Variants in TBC1D31 observed in about 807,000 individuals in gnomAD.
TBC1D31 encodes the protein WD repeat domain 67.
TBC1D31 carries 99 observed loss-of-function variants against 132.9 expected under a neutral mutation model. The observed-to-expected ratio is 0.74, with a 90% CI of 0.63 to 0.88. The LOEUF is 0.88. Ranked by LOEUF, TBC1D31 falls within the 40% of genes least tolerant of loss-of-function variation. The pLI, the probability that TBC1D31 is intolerant of heterozygous loss-of-function variation, is 0.00. For missense variants in TBC1D31, 1,134 were observed against 1,256.6 expected, an observed-to-expected ratio of 0.90 and a Z score of 1.48; for synonymous variants, 385 against 419.4, an observed-to-expected ratio of 0.92 and a Z score of 1.00.
chr8:123,142,851 T>C (rs1263540305), intron 19 of TBC1D31, among the ~76,000 whole-genome samples: 1 of 152,242 alleles, frequency 6.6e-6, no homozygotes, highest in African/African-American at 2.4e-5. Context: ...TTGAATAATA[T>C]TAGTACTTTA....
intron 4 of TBC1D31, among the ~76,000 whole-genome samples, chr8:123,085,119 A>G (rs1247269704): frequency 1.3e-5 from 2 of 152,150 alleles, no homozygotes; most frequent in African/African-American, 2.4e-5. Flanking sequence ...AACTTTGGTC[A>G]TCAGCATACT....
rs1814027597 is a variant in TBC1D31 at position 123,072,750 on chromosome 8, G to A, written c.-20G>A. ...GACGGTTACCCAGCGGGCCGCCGGCGGTCGTGGGCAAGCTTCGCCATGCAG... is the reference window on the plus strand; with the variant it reads ...GACGGTTACCCAGCGGGCCGCCGGCAGTCGTGGGCAAGCTTCGCCATGCAG... On this transcript the variant is annotated 5_prime_UTR_variant, in exon 1 of 22. Coordinates refer to ENST00000287380, the MANE Select transcript of TBC1D31 (RefSeq NM_145647.4). 2 of 1,553,284 alleles carry A rather than the reference G, an allele frequency of 1.3e-6. No homozygotes were observed. The highest frequency in any genetic ancestry group is 1.4e-5 in the African/African-American group (1 of 73,160).
chr8:123,164,811 C>T, the TBC1D31 span, among the ~76,000 whole-genome samples: 1 of 152,148 alleles, frequency 6.6e-6, no homozygotes, highest in Non-Finnish European at 1.5e-5. Flanking sequence ...GTTCCCCTTC[C>T]ATAGGGAAGC....
At chr8:123,101,116 A>G in intron 7 of TBC1D31, 109 bp downstream of exon 7, 4 of 828,464 alleles carry the variant, frequency 4.8e-6, no homozygotes, top group Non-Finnish European at 7.5e-6. Context: ...GAACTTATCC[A>G]TTTTTCTGGA....
chr8:123,091,692 G>A (rs1187020554), intron 4 of TBC1D31, among the ~76,000 whole-genome samples: 1 of 152,248 alleles, frequency 6.6e-6, no homozygotes, highest in African/African-American at 2.4e-5. Flanking sequence ...CATTATATAT[G>A]TGTGTGTGTT....
At chr8:123,156,206 C>T (rs936024945), downstream of TBC1D31, among the ~76,000 whole-genome samples, 3 of 152,046 alleles carry the variant, frequency 2.0e-5, no homozygotes, top group Admixed American at 1.3e-4. Flanking sequence ...TTTGGGAGGC[C>T]GAGGTGGGCG....
At chr8:123,149,190 T>C (rs779568509) in intron 20 of TBC1D31, among the ~76,000 whole-genome samples, 24 of 152,164 alleles carry the variant, frequency 1.6e-4, no homozygotes, top group Non-Finnish European at 2.9e-4. Flanking sequence ...CTCCGCCATG[T>C]CCCGCCCTTC....
chr8:123,132,823 T>G (rs895294232), intron 16 of TBC1D31, among the ~76,000 whole-genome samples: 1 of 152,232 alleles, frequency 6.6e-6, no homozygotes, highest in African/African-American at 2.4e-5. Flanking sequence ...ATCCAAGATT[T>G]CTTTTAATTT....
intron 7 of TBC1D31, chr8:123,104,072 G>T (rs1424822228): frequency 6.6e-6 from 1 of 152,116 alleles, no homozygotes; most frequent in Non-Finnish European, 1.5e-5. Flanking sequence ...CACTACAAAG[G>T]TATGTCAAGT....
intron 4 of TBC1D31, among the ~76,000 whole-genome samples, chr8:123,089,071 C>T (rs1326162268): frequency 1.3e-5 from 2 of 152,122 alleles, no homozygotes; most frequent in Non-Finnish European, 2.9e-5. Flanking sequence ...ATCCCAAATG[C>T]TCCAAAATTT....
intron 17 of TBC1D31, among the ~76,000 whole-genome samples, chr8:123,140,369 A>T (rs1821530320): frequency 1.3e-5 from 2 of 152,190 alleles, no homozygotes; most frequent in African/African-American, 4.8e-5. Context: ...CTCAAAAAAT[A>T]AAAAGACTAA....
Position 123,144,399 on chromosome 8 carries a change from A to G in TBC1D31, c.2836-318A>G, listed in dbSNP as rs1307576472. On this transcript the variant is annotated intron_variant, in intron 19 of 21. Transcript: ENST00000287380. ...TAAAATGCAATTGCCACTAATTCAAAACTAGCTTAGTCTCATAAGATTTGA... is the reference window on the plus strand; with the variant it reads ...TAAAATGCAATTGCCACTAATTCAAGACTAGCTTAGTCTCATAAGATTTGA... 2.0e-5 allele frequency among the ~76,000 whole-genome samples: 3 copies of G among 152,242 alleles called. No homozygotes were observed. The East Asian group carries it at 5.8e-4, about 29-fold the overall frequency.
At position 123,100,985 on chromosome 8, in the gene TBC1D31, C is replaced by T; in HGVS notation, c.1010C>T (p.Ala337Val). The change falls in exon 7 of 22, where the codon GCT becomes GTT. Residue 337 changes from alanine (A) to valine (V), a missense_variant. Ala to Val is a moderately conservative substitution (Grantham distance 64). Transcript: ENST00000287380. ...AGTCTAAACATATATTCAGTTCAGG[C>T]TTTAACACAAGAAATAAATAAGGTA... Reference protein sequence around the residue: ...NGSLNIYSVQALTQEINKPPP... With the variant: ...NGSLNIYSVQVLTQEINKPPP... 1.2e-6 allele frequency: 2 copies of T among 1,612,870 alleles called. No individual in the cohort carries two copies. The highest frequency in any genetic ancestry group is 2.2e-5 in the East Asian group (1 of 44,820).
intron 10 of TBC1D31, among the ~76,000 whole-genome samples, chr8:123,117,582 G>A (rs1434997274): frequency 4.0e-5 from 6 of 150,504 alleles, no homozygotes; most frequent in East Asian, 4.0e-4. Flanking sequence ...GTGAAACCCC[G>A]TCTCTACTAA....
chr8:123,105,644 C>T (rs1817854769), intron 8 of TBC1D31, among the ~76,000 whole-genome samples, 180 bp downstream of exon 8: 1 of 152,166 alleles, frequency 6.6e-6, no homozygotes, highest in Non-Finnish European at 1.5e-5. Context: ...AAGTGATCCT[C>T]CCACCTTGGC....
chr8:123,095,795 G>A (rs1311848558), intron 5 of TBC1D31, among the ~76,000 whole-genome samples: 2 of 152,150 alleles, frequency 1.3e-5, no homozygotes, highest in Non-Finnish European at 2.9e-5. Context: ...AAGAGTCTGG[G>A]TTCTTTTTTG....
chr8:123,077,836 G>A (rs539719016), intron 2 of TBC1D31, among the ~76,000 whole-genome samples: 1 of 152,166 alleles, frequency 6.6e-6, no homozygotes, highest in Non-Finnish European at 1.5e-5. Flanking sequence ...ATCGCTTGAG[G>A]TCAGGAGTTC....
At chr8:123,098,452 C>T (rs1306183879) in intron 6 of TBC1D31, among the ~76,000 whole-genome samples, 3 of 152,200 alleles carry the variant, frequency 2.0e-5, no homozygotes, top group South Asian at 4.1e-4. Context: ...CAGGCATGAA[C>T]CACCATGCCC....
rs2130779681 is a variant in TBC1D31, at chr8:123,126,720, A to G, written c.1884+33A>G. The stretch of plus-strand genomic sequence containing the variant: ...TCCTTGTTCTTAAGAGAAGGTTCTC[A>G]AATATCAGTTATTTCTCTCTATTTT... On this transcript the variant is annotated intron_variant, in intron 13 of 21. Coordinates refer to ENST00000287380, the MANE Select transcript of TBC1D31 (RefSeq NM_145647.4). 3 of 1,539,810 alleles carry G rather than the reference A, an allele frequency of 1.9e-6. No individual in the cohort carries two copies. The East Asian group carries it at 6.8e-5, about 35-fold the overall frequency.
Sources: allele counts gnomAD v4.1 joint callset (sites outside exome capture counted in the v4.1 genomes callset), GRCh38; gene constraint gnomAD v4.1.1; transcripts MANE v1.5; gene names NCBI Gene and HGNC (gene_info 2026-07-23, HGNC 2026-07-21).